The following TBC1D32 variants were observed in gnomAD, a reference collection of about 807,000 sequenced individuals.
The protein encoded by TBC1D32 is TBC1 domain family member 32.
A neutral mutation model predicts 170.3 loss-of-function variants in TBC1D32; 151 were observed. The ratio of observed to expected loss-of-function variants is 0.89; its 90% CI spans 0.78 to 1.01. The LOEUF is 1.01. TBC1D32 is among the 50% of genes least tolerant of loss of function. TBC1D32 has a pLI of 0.00. For synonymous variants in TBC1D32, 498 were observed against 488.0 expected, an observed-to-expected ratio of 1.02 and a Z score of -0.27; for missense variants, 1,464 against 1,457.1, an observed-to-expected ratio of 1.00 and a Z score of -0.08.
rs762288375 is a variant in TBC1D32 at position 121,281,603 on chromosome 6, T to C, written c.1549A>G (p.Asn517Asp). The change falls in exon 14 of 32, where the codon AAC becomes GAC. Residue 517 changes from asparagine to aspartate, a missense_variant. Physicochemically the swap from Asn to Asp is conservative, Grantham distance 23. Around this residue, in one of 3 missense-constraint regions of TBC1D32, gnomAD observed 1,363 missense variants for 1,338.1 expected, o/e 1.02. Transcript: ENST00000398212. ...QKECAVECLYNNIVIETLLQP... is the reference protein window; with the variant it reads ...QKECAVECLYDNIVIETLLQP... ...AGAAGTGTCTCTATTACAATGTTGTTATATAAGCATTCCACTGCACATTCT... is the reference window on the plus strand; with the variant it reads ...AGAAGTGTCTCTATTACAATGTTGTCATATAAGCATTCCACTGCACATTCT... 8.1e-6 allele frequency: 13 copies of C among 1,607,512 alleles called. No individual in the cohort carries two copies. Among genetic ancestry groups the C allele is most frequent in the Non-Finnish European group, 1.0e-5 (12 of 1,175,834 alleles).
At chr6:121,213,524 TAAATAAAATAAAATAAAATA>T (rs1554271961) in intron 21 of TBC1D32, among the ~76,000 whole-genome samples, 357 of 31,230 alleles carry the variant, frequency 0.011, 2 homozygotes, top group African/African-American at 0.055. Flanking sequence ...TAAAATAAAA[TAAATAAAATAAAATAAAATA>T]AAATAAAATA....
intron 14 of TBC1D32, among the ~76,000 whole-genome samples, chr6:121,280,993 T>C (rs1802908957): frequency 6.6e-6 from 1 of 151,900 alleles, no homozygotes; most frequent in Non-Finnish European, 1.5e-5. Context: ...ACTTGTTAAA[T>C]GTCTGACCTA....
rs759010621 is a variant in TBC1D32 at position 121,115,155 on chromosome 6, A to G, written c.3053+17T>C. ...AATTCTAGAAATGCACAAGGGAGCT[A>G]TTTCCCTATAATATACCTGACAGTC... On this transcript the variant is annotated intron_variant, in intron 27 of 31. Transcript: ENST00000398212. 39 of 1,570,654 alleles carry G rather than the reference A, an allele frequency of 2.5e-5. 3 individuals carry two copies. In the South Asian group the frequency reaches 3.7e-4, roughly 15 times the overall value.
intron 15 of TBC1D32, among the ~76,000 whole-genome samples, chr6:121,258,846 A>T (rs1799392231): frequency 6.6e-6 from 1 of 152,114 alleles, no homozygotes; most frequent in Non-Finnish European, 1.5e-5. Context: ...AACATTTGAG[A>T]TGATTCCAGT....
intron 15 of TBC1D32, among the ~76,000 whole-genome samples, chr6:121,270,935 T>C (rs192303091): frequency 5.2e-4 from 79 of 152,240 alleles, no homozygotes; most frequent in African/African-American, 1.5e-3. Flanking sequence ...ACTTCATCCC[T>C]GGGATGCAAG....
chr6:121,129,762 CA>C, intron 25 of TBC1D32: 3 of 324,862 alleles, frequency 9.2e-6, no homozygotes, highest in South Asian at 8.0e-5. Flanking sequence ...AGGTATCATT[CA>C]GGGGATAAAA....
intron 15 of TBC1D32, among the ~76,000 whole-genome samples, chr6:121,276,207 T>C (rs1802192925): frequency 6.6e-6 from 1 of 151,386 alleles, no homozygotes; most frequent in Non-Finnish European, 1.5e-5. Flanking sequence ...AAGTATTTGG[T>C]GATTATAGTT....
intron 17 of TBC1D32, among the ~76,000 whole-genome samples, chr6:121,250,866 A>G (rs1028531382): frequency 6.6e-6 from 1 of 152,232 alleles, no homozygotes; most frequent in African/African-American, 2.4e-5. Flanking sequence ...CTTTAAGCTG[A>G]TAAGCAACTT....
chr6:121,226,514 A>C (rs1583295587), intron 20 of TBC1D32, among the ~76,000 whole-genome samples: 1 of 152,272 alleles, frequency 6.6e-6, no homozygotes, highest in East Asian at 1.9e-4. Flanking sequence ...GCTCTAAAGA[A>C]AAATGGTTTT....
intron 5 of TBC1D32, among the ~76,000 whole-genome samples, chr6:121,305,434 T>C (rs1173112199): frequency 2.6e-5 from 4 of 152,016 alleles, no homozygotes; most frequent in Non-Finnish European, 5.9e-5. Context: ...ATTATCCCTT[T>C]AATTATACCT....
At chr6:121,169,803 C>T (rs543350063) in intron 22 of TBC1D32, among the ~76,000 whole-genome samples, 97 of 152,168 alleles carry the variant, frequency 6.4e-4, no homozygotes, top group Admixed American at 2.3e-3. Context: ...TAATTACAGA[C>T]ATAAAGGCAA....
chr6:121,283,785 A>T, intron 13 of TBC1D32, 33 bp downstream of exon 13: 1 of 1,464,852 alleles, frequency 6.8e-7, no homozygotes, highest in Non-Finnish European at 9.4e-7. Context: ...TAGATGTTTT[A>T]TATTTCTCTA....
chr6:121,311,842 C>T (rs992193214), intron 3 of TBC1D32, among the ~76,000 whole-genome samples: 21 of 152,058 alleles, frequency 1.4e-4, no homozygotes, highest in African/African-American at 4.3e-4. Context: ...TGGAAGACAG[C>T]GTGGCTATTC....
intron 24 of TBC1D32, among the ~76,000 whole-genome samples, chr6:121,144,420 G>A (rs537020813): frequency 5.9e-5 from 9 of 152,114 alleles, no homozygotes; most frequent in Non-Finnish European, 1.3e-4. Context: ...GGTAGTAGAT[G>A]AGTGAGAGTG....
chr6:121,248,383 C>T (rs1797894762), intron 17 of TBC1D32, among the ~76,000 whole-genome samples: 1 of 151,890 alleles, frequency 6.6e-6, no homozygotes, highest in African/African-American at 2.4e-5. Context: ...CACAAATAGA[C>T]AACCTAATGT....
chr6:121,149,499 T>C (rs1783925889), intron 24 of TBC1D32, among the ~76,000 whole-genome samples: 1 of 152,190 alleles, frequency 6.6e-6, no homozygotes, highest in South Asian at 2.1e-4. Flanking sequence ...CTCAATACCA[T>C]TTATTAAATA....
rs184396926 is a variant in TBC1D32, at chr6:121,307,438, G to A, written c.690+538C>T. Among the ~76,000 whole-genome samples the A allele has an allele frequency of 1.6e-4, 25 of 152,170 alleles. No homozygotes were observed. The East Asian group carries it at 4.6e-3, about 28-fold the overall frequency. On this transcript the variant is annotated intron_variant, in intron 5 of 31. Transcript: ENST00000398212. ...TTCCTTTACAAGATAAAATGCACAA[G>A]GTAGCAGTGTATTATTTGGCAATGA...
At chr6:121,315,667 G>T (rs1808828075) in intron 3 of TBC1D32, among the ~76,000 whole-genome samples, 1 of 151,716 alleles carries the variant, frequency 6.6e-6, no homozygotes, top group African/African-American at 2.4e-5. Flanking sequence ...TCACCCCACA[G>T]CAAGAAACAA....
Position 121,261,535 on chromosome 6 carries a change from A to C in TBC1D32, c.1734-5250T>G, listed in dbSNP as rs145564304. ...CCAGCAAACCACAGCAGCCCTACAG[A>C]AGAGGGACCTGACAATTGAAAGAAA... On this transcript the variant is annotated intron_variant, in intron 15 of 31. Coordinates refer to ENST00000398212, the MANE Select transcript of TBC1D32 (RefSeq NM_152730.6). Among the ~76,000 whole-genome samples the C allele has an allele frequency of 2.1e-3, 317 of 152,326 alleles. 1 individual carries two copies. Among genetic ancestry groups the C allele is most frequent in the African/African-American group, 7.3e-3 (305 of 41,586 alleles).
Sources: allele counts gnomAD v4.1 joint callset (sites outside exome capture counted in the v4.1 genomes callset), GRCh38; gene constraint gnomAD v4.1.1; regional missense constraint gnomAD v4.1.1; transcripts MANE v1.5; gene names NCBI Gene and HGNC (gene_info 2026-07-23, HGNC 2026-07-21).